Variants in DENND1A observed in about 807,000 individuals in gnomAD.
The protein encoded by DENND1A is DENN domain-containing protein 1A.
A neutral mutation model predicts 113.7 loss-of-function variants in DENND1A; 51 were observed. The observed-to-expected ratio is 0.45, with a 90% CI of 0.36 to 0.57. The LOEUF (loss-of-function observed/expected upper bound fraction) is 0.57. Among genes scored for constraint, DENND1A ranks in the 20% least tolerant of loss-of-function variants. The pLI, the probability that DENND1A is intolerant of heterozygous loss-of-function variation, is 0.00. For synonymous variants in DENND1A, 565 were observed against 570.8 expected, an observed-to-expected ratio of 0.99 and a Z score of 0.14; for missense variants, 1,258 against 1,395.9, an observed-to-expected ratio of 0.90 and a Z score of 1.57.
intron 8 of DENND1A, among the ~76,000 whole-genome samples, chr9:123,655,242 G>A (rs939667368): frequency 5.9e-5 from 9 of 152,196 alleles, no homozygotes; most frequent in South Asian, 2.1e-4. Context: ...TTTTTGCCAC[G>A]AGACGGGGTC....
intron 17 of DENND1A, 152 bp from the exon 18 acceptor site, chr9:123,450,901 A>G: frequency 1.7e-6 from 1 of 593,282 alleles, no homozygotes; most frequent in Non-Finnish European, 2.9e-6. Flanking sequence ...GGCTATGAAA[A>G]CAAATACAAC....
intron 5 of DENND1A, among the ~76,000 whole-genome samples, chr9:123,734,234 A>C (rs2068396125): frequency 6.6e-6 from 1 of 152,212 alleles, no homozygotes; most frequent in African/African-American, 2.4e-5. Flanking sequence ...CATTCACCCC[A>C]AAAGGAGAAC....
rs540296696 is a variant in DENND1A, at chr9:123,617,615, G to A, written c.720-8134C>T. On this transcript the variant is annotated intron_variant, in intron 10 of 23. Transcript: ENST00000394215. The stretch of plus-strand genomic sequence containing the variant: ...TCAACATCAAAGCCTGGGGTAGCCC[G>A]CCCTTTTGAGCCTCCTTGGCCTACC... 2.5e-3 allele frequency among the ~76,000 whole-genome samples: 379 copies of A among 152,308 alleles called. 4 individuals carry two copies. The highest frequency in any genetic ancestry group is 8.1e-3 in the African/African-American group (337 of 41,560).
At chr9:123,454,036 G>A (rs567266522) in intron 16 of DENND1A, among the ~76,000 whole-genome samples, 36 of 152,264 alleles carry the variant, frequency 2.4e-4, no homozygotes, top group Non-Finnish European at 3.8e-4. Flanking sequence ...CAAGGGACTC[G>A]CCTGGCAGCA....
At chr9:123,869,760 G>A (rs941563963) in intron 2 of DENND1A, among the ~76,000 whole-genome samples, 11 of 152,144 alleles carry the variant, frequency 7.2e-5, no homozygotes, top group African/African-American at 2.7e-4. Flanking sequence ...CAACACTTTG[G>A]GAGGCTGAGG....
intron 2 of DENND1A, among the ~76,000 whole-genome samples, chr9:123,871,617 A>G (rs963139156): frequency 6.6e-6 from 1 of 152,216 alleles, no homozygotes. Context: ...GATTCTAAGC[A>G]AAGATTTTTT....
At chr9:123,690,631 AC>A (rs2140383398) in intron 5 of DENND1A, among the ~76,000 whole-genome samples, 2 of 152,336 alleles carry the variant, frequency 1.3e-5, no homozygotes, top group South Asian at 4.1e-4. Context: ...TCTACAGTCT[AC>A]ATGTATTATT....
intron 9 of DENND1A, among the ~76,000 whole-genome samples, chr9:123,638,841 A>G (rs1159246639): frequency 6.6e-6 from 1 of 151,986 alleles, no homozygotes; most frequent in Non-Finnish European, 1.5e-5. Flanking sequence ...GTCTAAGTGG[A>G]TATTTCTATT....
At chr9:123,529,574 C>T (rs1048811233) in intron 13 of DENND1A, among the ~76,000 whole-genome samples, 5 of 151,428 alleles carry the variant, frequency 3.3e-5, no homozygotes, top group East Asian at 1.9e-4. Flanking sequence ...GCCAAAAGAA[C>T]GTGAAAGATG....
chr9:123,726,486 T>C (rs768156051), intron 5 of DENND1A, among the ~76,000 whole-genome samples: 4 of 152,176 alleles, frequency 2.6e-5, no homozygotes, highest in Non-Finnish European at 5.9e-5. Context: ...CATGAAGTCC[T>C]TGAGGACAGG....
intron 4 of DENND1A, among the ~76,000 whole-genome samples, chr9:123,769,092 C>G (rs1430329587): frequency 6.6e-6 from 1 of 152,052 alleles, no homozygotes; most frequent in Non-Finnish European, 1.5e-5. Context: ...CAAGATAGGG[C>G]TAGGCTGATT....
intron 16 of DENND1A, 114 bp from the exon 17 acceptor site, chr9:123,452,461 C>G (rs540248319): frequency 8.1e-5 from 68 of 844,094 alleles, no homozygotes; most frequent in Non-Finnish European, 1.2e-4. Context: ...TGTAAATGCA[C>G]ATCGAGAAAT....
Position 123,395,751 on chromosome 9 carries a change from C to T in DENND1A, c.1631+7651G>A, listed in dbSNP as rs112443639. Among the ~76,000 whole-genome samples, 352 of 152,258 alleles carry T rather than the reference C, an allele frequency of 2.3e-3. 2 individuals are homozygous for T. Among genetic ancestry groups the T allele is most frequent in the Non-Finnish European group, 4.5e-3 (309 of 67,996 alleles). On this transcript the variant is annotated intron_variant, in intron 21 of 23. Coordinates refer to ENST00000394215, the MANE Select transcript of DENND1A (RefSeq NM_001352964.2). Reference sequence around the variant, plus strand: ...GGATGCACTGGCAGCTTCATACGCACGTCCTAATCACACCTGGCACACAGT... The same window carrying T: ...GGATGCACTGGCAGCTTCATACGCATGTCCTAATCACACCTGGCACACAGT...
chr9:123,423,256 C>G (rs867435069), intron 19 of DENND1A, among the ~76,000 whole-genome samples: 3 of 152,082 alleles, frequency 2.0e-5, no homozygotes, highest in Admixed American at 6.5e-5. Flanking sequence ...CGGTAAGAGT[C>G]CCCTGGAAAG....
intron 13 of DENND1A, among the ~76,000 whole-genome samples, chr9:123,470,596 G>A (rs186201982): frequency 2.3e-4 from 35 of 152,270 alleles, no homozygotes; most frequent in Admixed American, 1.3e-4. Flanking sequence ...CAGAACCCAT[G>A]TAGCTGCAGC....
chr9:123,416,687 A>G (rs1219169079), intron 19 of DENND1A, among the ~76,000 whole-genome samples: 7 of 152,174 alleles, frequency 4.6e-5, no homozygotes, highest in African/African-American at 1.7e-4. Flanking sequence ...GAGGGGAGAG[A>G]GGGCCGGCGA....
At chr9:123,892,697 C>G (rs1850105744) in intron 1 of DENND1A, among the ~76,000 whole-genome samples, 1 of 152,210 alleles carries the variant, frequency 6.6e-6, no homozygotes. Flanking sequence ...ACATCCTACA[C>G]ATGTATCCCA....
At chr9:123,399,839 C>G (rs2043335800) in intron 21 of DENND1A, among the ~76,000 whole-genome samples, 1 of 152,260 alleles carries the variant, frequency 6.6e-6, no homozygotes, top group Admixed American at 6.5e-5. Context: ...ATTCTGAATG[C>G]TGGCCTGGCC....
intron 5 of DENND1A, among the ~76,000 whole-genome samples, chr9:123,747,245 C>T (rs2069594087): frequency 6.6e-6 from 1 of 152,098 alleles, no homozygotes; most frequent in South Asian, 2.1e-4. Context: ...TCAAGTCAAG[C>T]ATTTTTGCTG....
Sources: allele counts gnomAD v4.1 joint callset (sites outside exome capture counted in the v4.1 genomes callset), GRCh38; gene constraint gnomAD v4.1.1; transcripts MANE v1.5; gene names NCBI Gene and HGNC (gene_info 2026-07-23, HGNC 2026-07-21).